SBF2: variants seen among roughly 807,000 people sequenced by gnomAD.
SBF2 encodes the protein myotubularin-related protein 13.
SBF2 carries 112 observed loss-of-function variants against 225.2 expected under a neutral mutation model. The observed-to-expected ratio is 0.50, with a 90% confidence interval of 0.43 to 0.58. SBF2 has a LOEUF of 0.58. SBF2 is among the 20% of genes least tolerant of loss of function. SBF2 has a pLI of 0.00. For synonymous variants in SBF2, 763 were observed against 773.3 expected (o/e 0.99, Z 0.22); for missense variants, 1,996 against 2,206.2 (o/e 0.90, Z 1.91).
At chr11:9,812,492 T>C (rs767688203) in intron 30 of SBF2, 40 bp downstream of exon 30, 8 of 1,610,084 alleles carry the variant, frequency 5.0e-6, no homozygotes, top group East Asian at 2.2e-5. Flanking sequence ...GGGCCTCTGT[T>C]TCTTTGAGTT....
intron 1 of SBF2, among the ~76,000 whole-genome samples, chr11:10,239,017 A>T (rs1959173790): frequency 6.6e-6 from 1 of 150,894 alleles, no homozygotes; most frequent in African/African-American, 2.4e-5. Context: ...AGGAATACAG[A>T]AGTAACAAAA....
chr11:10,294,560 TC>T (rs1196065617), upstream of SBF2, among the ~76,000 whole-genome samples: 1 of 152,134 alleles, frequency 6.6e-6, no homozygotes, highest in Non-Finnish European at 1.5e-5. Context: ...CTTCCTCTGC[TC>T]CCCACCACCA....
intron 2 of SBF2, among the ~76,000 whole-genome samples, chr11:10,169,617 G>A (rs1442553283): frequency 6.6e-6 from 1 of 152,184 alleles, no homozygotes; most frequent in Non-Finnish European, 1.5e-5. Flanking sequence ...CTTGGCCATT[G>A]TGAATAGTGT....
chr11:10,147,248 A>G (rs1378819934), intron 2 of SBF2, among the ~76,000 whole-genome samples: 1 of 152,244 alleles, frequency 6.6e-6, no homozygotes, highest in African/African-American at 2.4e-5. Flanking sequence ...AACTCGTTCT[A>G]TCATAAAGAC....
chr11:9,822,176 C>A (rs1854791206), intron 28 of SBF2, among the ~76,000 whole-genome samples: 1 of 151,642 alleles, frequency 6.6e-6, no homozygotes, highest in South Asian at 2.1e-4. Context: ...GATGAAGACA[C>A]TGAGAATTAA....
chr11:10,062,169 C>T (rs1362021609), intron 2 of SBF2, among the ~76,000 whole-genome samples: 1 of 152,152 alleles, frequency 6.6e-6, no homozygotes, highest in South Asian at 2.1e-4. Flanking sequence ...CCCTTCCTCA[C>T]ACCATATACA....
chr11:10,093,443 G>C (rs541244116), intron 2 of SBF2, among the ~76,000 whole-genome samples: 47 of 150,478 alleles, frequency 3.1e-4, no homozygotes, highest in African/African-American at 1.1e-3. Flanking sequence ...TGCTTTAGAT[G>C]TAAGATTTAA....
intron 28 of SBF2, among the ~76,000 whole-genome samples, chr11:9,818,649 C>T (rs997813378): frequency 6.6e-6 from 1 of 152,216 alleles, no homozygotes; most frequent in African/African-American, 2.4e-5. Context: ...GCTTCTCTTT[C>T]TCTTTATAAG....
At chr11:9,835,812 T>C (rs1157194672) in intron 26 of SBF2, among the ~76,000 whole-genome samples, 5 of 152,136 alleles carry the variant, frequency 3.3e-5, no homozygotes, top group African/African-American at 4.8e-5. Context: ...GTTTGTTCAT[T>C]TTCATTACTG....
At chr11:9,903,554 G>A (rs117904879) in intron 16 of SBF2, among the ~76,000 whole-genome samples, 2 of 152,292 alleles carry the variant, frequency 1.3e-5, no homozygotes, top group Non-Finnish European at 2.9e-5. Context: ...AAAAGAGACC[G>A]AGGCAAGTTT....
In SBF2 at chr11:10,031,055, A is replaced by G. The variant is rs1213663198; in HGVS notation, c.395T>C (p.Ile132Thr). 9 of 1,612,306 alleles carry G rather than the reference A, an allele frequency of 5.6e-6. 1 individual carries two copies. The South Asian group carries it at 8.8e-5, about 16-fold the overall frequency. ...TAACTATGTGTTCTTTACCCTAAAAATTTCTGGATAATATAATCTGGATAC... is the reference window on the plus strand; with the variant it reads ...TAACTATGTGTTCTTTACCCTAAAAGTTTCTGGATAATATAATCTGGATAC... ...VLVSRLYYPE[I>T]FRACLGLIYT... is the part of the protein sequence containing the mutation. The change falls in exon 4 of 40, where the codon ATT (isoleucine) becomes ACT (threonine). Residue 132 changes from isoleucine to threonine, a missense_variant. Ile to Thr is a moderately conservative substitution (Grantham distance 89). Transcript: ENST00000256190.
intron 2 of SBF2, among the ~76,000 whole-genome samples, chr11:10,045,945 C>A (rs547905845): frequency 1.3e-5 from 2 of 151,910 alleles, no homozygotes; most frequent in Non-Finnish European, 2.9e-5. Flanking sequence ...ATTCAACCAA[C>A]CACGGATCAA....
chr11:10,196,711 A>G (rs1462035604), intron 1 of SBF2, among the ~76,000 whole-genome samples: 1 of 151,686 alleles, frequency 6.6e-6, no homozygotes, highest in East Asian at 1.9e-4. Flanking sequence ...TATAAAAGTA[A>G]TGTTAAGTGC....
At chr11:10,241,277 T>C (rs1959210665) in intron 1 of SBF2, among the ~76,000 whole-genome samples, 2 of 152,058 alleles carry the variant, frequency 1.3e-5, no homozygotes, top group Admixed American at 6.5e-5. Flanking sequence ...CACTTGAACC[T>C]GGGAGGCAAG....
intron 2 of SBF2, among the ~76,000 whole-genome samples, chr11:10,114,346 G>C (rs1479706400): frequency 6.6e-6 from 1 of 152,048 alleles, no homozygotes; most frequent in Admixed American, 6.6e-5. Context: ...GAAAATATAT[G>C]CTTTATCTTT....
At chr11:9,794,196 CA>C (rs1377218862) in intron 33 of SBF2, among the ~76,000 whole-genome samples, 1 of 151,746 alleles carries the variant, frequency 6.6e-6, no homozygotes, top group African/African-American at 2.4e-5. Context: ...CAAAACAAAA[CA>C]AAACAAAATA....
At chr11:9,817,684 C>T (rs984600811) in intron 28 of SBF2, among the ~76,000 whole-genome samples, 3 of 146,512 alleles carry the variant, frequency 2.0e-5, no homozygotes, top group Non-Finnish European at 3.0e-5. Context: ...GTGGGCAGAT[C>T]GCTTGAGCCC....
intron 10 of SBF2, 86 bp downstream of exon 10, chr11:9,993,835 T>C: frequency 7.3e-7 from 1 of 1,372,742 alleles, no homozygotes; most frequent in South Asian, 1.3e-5. Context: ...CATCTAACTC[T>C]AACTTCACTT....
chr11:10,084,088 T>G (rs1951463860), intron 2 of SBF2, among the ~76,000 whole-genome samples: 1 of 152,186 alleles, frequency 6.6e-6, no homozygotes, highest in Admixed American at 6.5e-5. Context: ...AGAAAATGTT[T>G]GCAAAGTATC....
Sources: allele counts gnomAD v4.1 joint callset (sites outside exome capture counted in the v4.1 genomes callset), GRCh38; gene constraint gnomAD v4.1.1; transcripts MANE v1.5; gene names NCBI Gene and HGNC (gene_info 2026-07-23, HGNC 2026-07-21).